Variants in FOXK2 observed in about 807,000 individuals in gnomAD.
FOXK2 encodes the protein forkhead box protein K2.
A neutral mutation model predicts 53.3 loss-of-function variants in FOXK2; 24 were observed. The observed-to-expected ratio is 0.45, with a 90% CI of 0.33 to 0.63. FOXK2 has a LOEUF of 0.63. FOXK2 is among the 30% of genes least tolerant of loss of function. FOXK2 has a pLI of 0.03. For missense variants in FOXK2, 952 were observed against 910.5 expected (o/e 1.05, Z -0.59); for synonymous variants, 505 against 407.1 (o/e 1.24, Z -2.89).
At chr17:82,558,871 C>T (rs1409001920) in intron 1 of FOXK2, among the ~76,000 whole-genome samples, 3 of 152,088 alleles carry the variant, frequency 2.0e-5, no homozygotes, top group Non-Finnish European at 2.9e-5. Flanking sequence ...CTCAGCCTCC[C>T]GAGTAGCTGG....
chr17:82,546,142 A>C (rs1599888257), intron 1 of FOXK2, among the ~76,000 whole-genome samples: 1 of 90,078 alleles, frequency 1.1e-5, no homozygotes, highest in Non-Finnish European at 2.0e-5. Context: ...TTTGAGATGG[A>C]GTCTCGCTTG....
intron 2 of FOXK2, among the ~76,000 whole-genome samples, chr17:82,566,649 C>T (rs1199760683): frequency 2.0e-5 from 3 of 152,296 alleles, no homozygotes; most frequent in African/African-American, 7.2e-5. Context: ...CTGACAGCAG[C>T]GGTGGGTGCA....
At chr17:82,574,308 C>T (rs1299911980) in intron 4 of FOXK2, among the ~76,000 whole-genome samples, 1 of 149,846 alleles carries the variant, frequency 6.7e-6, no homozygotes, top group African/African-American at 2.5e-5. Flanking sequence ...AGTTCATGGA[C>T]ATTACTCTCT....
chr17:82,576,934 C>G (rs2044994047), intron 4 of FOXK2: 1 of 397,884 alleles, frequency 2.5e-6, no homozygotes, highest in Non-Finnish European at 4.6e-6. Flanking sequence ...CTGTGGCCGG[C>G]AGATCACCTG....
intron 1 of FOXK2, among the ~76,000 whole-genome samples, chr17:82,546,219 C>T (rs1243619440): frequency 7.1e-6 from 1 of 141,278 alleles, no homozygotes; most frequent in Non-Finnish European, 1.5e-5. Flanking sequence ...TGGGTTCAAA[C>T]AATTCTCCTG....
intron 3 of FOXK2, among the ~76,000 whole-genome samples, chr17:82,571,324 G>C (rs554726176): frequency 6.6e-6 from 1 of 152,206 alleles, no homozygotes; most frequent in African/African-American, 2.4e-5. Context: ...TATCAGGCTG[G>C]GCGCAGTGGC....
chr17:82,543,774 CTTT>C (rs59720257), intron 1 of FOXK2, among the ~76,000 whole-genome samples: 1,254 of 112,290 alleles, frequency 0.011, 3 homozygotes, highest in Non-Finnish European at 0.017. Flanking sequence ...GCATGCTTAG[CTTT>C]TTTTTTTTTT....
chr17:82,596,266 C>A, intron 8 of FOXK2: 1 of 933,732 alleles, frequency 1.1e-6, no homozygotes, highest in Non-Finnish European at 1.3e-6. Context: ...CAGTTGTTCG[C>A]TGACGCCTTA....
In FOXK2 at chr17:82,601,481, A is replaced by G; in HGVS notation, c.1965A>G (p.Glu655=). 1 of 1,608,378 alleles carries G rather than the reference A, an allele frequency of 6.2e-7. No individual in the cohort carries two copies. The highest frequency in any genetic ancestry group is 2.2e-5 in the East Asian group (1 of 44,744). Residue 655 remains glutamate, a synonymous_variant, in exon 9 of 9, where the codon GAA becomes GAG. Transcript: ENST00000335255. ...SVDTPPAAVR[E]KGVQN ...ACACGCCACCGGCAGCCGTAAGGGA[A>G]AAGGGTGTCCAGAACTAGCGACCGG...
chr17:82,585,990 A>AC lies in FOXK2; in HGVS notation c.1370dup (p.Val458SerfsTer55). On this transcript the variant is annotated frameshift_variant, in exon 7 of 9. Coordinates refer to ENST00000335255, the MANE Select transcript of FOXK2 (RefSeq NM_004514.4). LOFTEE classifies it high-confidence loss of function. ...CAAGCCTGTCACCTACACTGTGGCC[A>AC]CCCCAGTGACCACCTCGACCTCCCA... is the stretch of plus-strand genomic sequence containing the variant. The AC allele has an allele frequency of 6.2e-7, 1 of 1,612,660 alleles. No homozygotes were observed. Among genetic ancestry groups the AC allele is most frequent in the Non-Finnish European group, 8.5e-7 (1 of 1,179,916 alleles).
At chr17:82,553,839 T>A (rs2044699044) in intron 1 of FOXK2, among the ~76,000 whole-genome samples, 1 of 152,052 alleles carries the variant, frequency 6.6e-6, no homozygotes, top group African/African-American at 2.4e-5. Flanking sequence ...CAAGTACTTT[T>A]TTTTTTATTT....
intron 4 of FOXK2, among the ~76,000 whole-genome samples, chr17:82,574,091 T>C (rs547291431): frequency 6.6e-6 from 1 of 152,344 alleles, no homozygotes; most frequent in South Asian, 2.1e-4. Flanking sequence ...CGGCAGGGAA[T>C]GACAGACTAG....
chr17:82,582,522 T>C (rs1357621819), intron 4 of FOXK2, among the ~76,000 whole-genome samples: 1 of 152,164 alleles, frequency 6.6e-6, no homozygotes, highest in Non-Finnish European at 1.5e-5. Context: ...ATAAGCATGA[T>C]GACTGGGTTT....
intron 4 of FOXK2, among the ~76,000 whole-genome samples, chr17:82,572,495 T>A (rs1008492459): frequency 6.6e-6 from 1 of 152,080 alleles, no homozygotes; most frequent in African/African-American, 2.4e-5. Flanking sequence ...AATAATTTTT[T>A]TTTTTTTTTT....
intron 1 of FOXK2, among the ~76,000 whole-genome samples, chr17:82,561,090 GCTTA>G (rs1426066137): frequency 2.6e-5 from 4 of 152,180 alleles, no homozygotes; most frequent in Admixed American, 6.5e-5. Flanking sequence ...AAAGAAGGTG[GCTTA>G]CTTTTTCAGT....
At chr17:82,570,940 A>G (rs563752988) in intron 3 of FOXK2, among the ~76,000 whole-genome samples, 3 of 152,294 alleles carry the variant, frequency 2.0e-5, no homozygotes, top group East Asian at 1.9e-4. Flanking sequence ...TGAAGCCTCC[A>G]TGGGGCTCTT....
intron 2 of FOXK2, among the ~76,000 whole-genome samples, chr17:82,563,808 G>C (rs2044824529): frequency 2.1e-5 from 3 of 144,814 alleles, no homozygotes. Context: ...CTGGAGTGCA[G>C]TGGTGCTATC....
chr17:82,522,203 G>A (rs62078081), intron 1 of FOXK2, among the ~76,000 whole-genome samples: 5,867 of 151,746 alleles, frequency 0.039, 124 homozygotes, highest in Non-Finnish European at 0.044. Flanking sequence ...GCTCACTGCA[G>A]CCTCAAACTT....
At chr17:82,595,189 C>CT (rs1310238793) in intron 8 of FOXK2, among the ~76,000 whole-genome samples, 2 of 152,218 alleles carry the variant, frequency 1.3e-5, no homozygotes, top group Admixed American at 1.3e-4. Context: ...GCTTGTTTCT[C>CT]TAAGACTTTG....
Sources: allele counts gnomAD v4.1 joint callset (sites outside exome capture counted in the v4.1 genomes callset), GRCh38; gene constraint gnomAD v4.1.1; transcripts MANE v1.5; gene names NCBI Gene and HGNC (gene_info 2026-07-23, HGNC 2026-07-21).